RPS6KA1: variants seen among roughly 807,000 people sequenced by gnomAD.
The protein encoded by RPS6KA1 is ribosomal protein S6 kinase alpha-1.
Under a neutral mutation model 91.3 loss-of-function variants are expected in RPS6KA1, and 48 were observed. The observed-to-expected ratio is 0.53, with a 90% CI of 0.42 to 0.67. RPS6KA1 has a LOEUF of 0.67. RPS6KA1 is among the 30% of genes least tolerant of loss of function. RPS6KA1 has a pLI of 0.00. For synonymous variants in RPS6KA1, 359 were observed against 384.7 expected (o/e 0.93, Z 0.78); for missense variants, 719 against 960.5 (o/e 0.75, Z 3.32).
chr1:26,554,467 C>T lies in RPS6KA1; in HGVS notation c.614-129C>T. On this transcript the variant is annotated intron_variant, in intron 8 of 21. Transcript: ENST00000374168. This position sits in a 1 kb window ranked among gnomAD's most constrained non-coding sequence, Gnocchi z 4.6. ...AGCAAGTCACCTGACCTCTCTGGGC[C>T]TTAGCTTCCTCCTGAGTGTCATGGG... is the stretch of plus-strand genomic sequence containing the variant. 1 of 1,316,136 alleles carries T rather than the reference C, an allele frequency of 7.6e-7. No individual in the cohort carries two copies. 81.5% of individuals were successfully genotyped at this position (1,316,136 alleles called of 1,614,324 possible).
intron 17 of RPS6KA1, among the ~76,000 whole-genome samples, chr1:26,562,774 A>G (rs1395005417): frequency 6.8e-6 from 1 of 147,770 alleles, no homozygotes; most frequent in Non-Finnish European, 1.5e-5. Flanking sequence ...GAGGTTGTTA[A>G]CTTGTTTTCA....
At chr1:26,530,742 C>T (rs2075861495) in intron 1 of RPS6KA1, 2 of 1,283,438 alleles carry the variant, frequency 1.6e-6, no homozygotes, top group Non-Finnish European at 2.0e-6. Context: ...CCTTCTCTCT[C>T]AGAAGCAGCT....
intron 4 of RPS6KA1, among the ~76,000 whole-genome samples, chr1:26,549,250 A>C (rs1207740523): frequency 6.6e-6 from 1 of 151,536 alleles, no homozygotes; most frequent in Non-Finnish European, 1.5e-5. Context: ...CTTAGTAAGC[A>C]CTCCCTAGCC....
At chr1:26,543,068 G>T in intron 2 of RPS6KA1, 1 of 1,361,196 alleles carries the variant, frequency 7.3e-7, no homozygotes, top group Non-Finnish European at 1.0e-6. Context: ...AGAAGGAGGG[G>T]GGCCAGAGAC....
At chr1:26,549,246 A>T (rs2076024060) in intron 4 of RPS6KA1, among the ~76,000 whole-genome samples, 2 of 151,854 alleles carry the variant, frequency 1.3e-5, no homozygotes, top group South Asian at 4.2e-4. Context: ...TGGTCTTAGT[A>T]AGCACTCCCT....
At position 26,560,946 on chromosome 1, in the gene RPS6KA1, T is replaced by G. The variant is rs1317121455; in HGVS notation, c.1341+95T>G. 1.2e-5 allele frequency: 20 copies of G among 1,603,696 alleles called. No individual in the cohort carries two copies. The African/African-American group carries it at 2.7e-4, about 21-fold the overall frequency. On this transcript the variant is annotated intron_variant, in intron 15 of 21. Transcript: ENST00000374168. ...ATGGTGCCTGAGCTCTGCAGATGTA[T>G]GAAAGGTGTGTGGCCGAGACCTCCT...
intron 1 of RPS6KA1, among the ~76,000 whole-genome samples, chr1:26,534,227 G>A (rs1257319243): frequency 6.6e-6 from 1 of 152,312 alleles, no homozygotes; most frequent in South Asian, 2.1e-4. Context: ...CTGAAAAATA[G>A]GAGTAATAGA....
rs538528569 is a variant in RPS6KA1, at chr1:26,536,879, G to C, written c.64-46G>C. 1.6e-4 allele frequency: 261 copies of C among 1,607,170 alleles called. 1 individual carries two copies. The highest frequency in any genetic ancestry group is 8.3e-4 in the Middle Eastern group (5 of 6,056). ...GCCCCACAGAGTCTTTCTCCCAAGC[G>C]TGTAAGTTCTGACAGTGCTCCCCCA... On this transcript the variant is annotated intron_variant, in intron 1 of 21. Coordinates refer to ENST00000374168, the MANE Select transcript of RPS6KA1 (RefSeq NM_002953.4).
At chr1:26,557,985 C>A (rs866216366) in intron 13 of RPS6KA1, among the ~76,000 whole-genome samples, 1 of 151,708 alleles carries the variant, frequency 6.6e-6, no homozygotes, top group African/African-American at 2.4e-5. Context: ...TGTGTCAGCA[C>A]GCCTGGCTAA....
Position 26,540,685 on chromosome 1 carries a change from C to G in RPS6KA1, c.108+3716C>G, listed in dbSNP as rs978368485. Among the ~76,000 whole-genome samples, 1 of 152,248 alleles carries G rather than the reference C, an allele frequency of 6.6e-6. No homozygotes were observed. The highest frequency in any genetic ancestry group is 1.5e-5 in the Non-Finnish European group (1 of 68,036). ...TGACCTCCTAGGCTCAAGTGATCCT[C>G]CTACCTCAGCTACCGGAGTAGCTGG... On this transcript the variant is annotated intron_variant, in intron 2 of 21. Transcript: ENST00000374168. This position sits in a 1 kb window ranked among gnomAD's most constrained non-coding sequence, Gnocchi z 4.2.
chr1:26,561,025 C>A lies in RPS6KA1; in HGVS notation c.1342-20C>A. 6.2e-7 allele frequency: 1 copy of A among 1,611,136 alleles called. No homozygotes were observed. The highest frequency in any genetic ancestry group is 8.5e-7 in the Non-Finnish European group (1 of 1,177,930). ...GGACCCTGTCACCCTGACACTGCCACATGCACCCCCTTTCTTCAGGTCATT... is the reference window on the plus strand; with the variant it reads ...GGACCCTGTCACCCTGACACTGCCAAATGCACCCCCTTTCTTCAGGTCATT... On this transcript the variant is annotated intron_variant, in intron 15 of 21. Coordinates refer to ENST00000374168, the MANE Select transcript of RPS6KA1 (RefSeq NM_002953.4). This position sits in a 1 kb window ranked among gnomAD's most constrained non-coding sequence, Gnocchi z 5.7.
rs566279532 is a variant in RPS6KA1 at position 26,551,753 on chromosome 1, C to G, written c.468+30C>G. On this transcript the variant is annotated intron_variant, in intron 6 of 21. Transcript: ENST00000374168. The surrounding 1 kb of genome is among the most constrained non-coding windows in gnomAD (Gnocchi z 4.5). ...GCTGACATCTACTGCCAGAGGGCCC[C>G]GGGATGGAGCTGAGGGACGACAAGT... 1.4e-5 allele frequency: 22 copies of G among 1,576,434 alleles called. No individual in the cohort carries two copies. Among genetic ancestry groups the G allele is most frequent in the Non-Finnish European group, 1.8e-5 (21 of 1,145,786 alleles).
At chr1:26,548,661 C>T (rs897134119) in intron 4 of RPS6KA1, among the ~76,000 whole-genome samples, 1 of 151,916 alleles carries the variant, frequency 6.6e-6, no homozygotes, top group East Asian at 1.9e-4. Flanking sequence ...TCTGGGTATG[C>T]TGGTATGCAC....
At chr1:26,570,625 C>T (rs2076241012) in intron 17 of RPS6KA1, among the ~76,000 whole-genome samples, 1 of 152,200 alleles carries the variant, frequency 6.6e-6, no homozygotes, top group East Asian at 1.9e-4. Context: ...CAGTAAGTGT[C>T]ATTCATCCAT....
chr1:26,550,889 G>T (rs1272907950), intron 4 of RPS6KA1, among the ~76,000 whole-genome samples: 3 of 152,118 alleles, frequency 2.0e-5, no homozygotes, highest in Non-Finnish European at 2.9e-5. Flanking sequence ...AATATGAAGG[G>T]TGCCCACCCA....
At chr1:26,565,543 T>TTTTTCTTTCC (rs2076192147) in intron 17 of RPS6KA1, among the ~76,000 whole-genome samples, 2 of 148,128 alleles carry the variant, frequency 1.4e-5, no homozygotes, top group South Asian at 4.4e-4. Flanking sequence ...TGAATTTATT[T>TTTTTCTTTCC]TTTTCTTTTC....
chr1:26,572,097 A>G (rs2076254229), intron 19 of RPS6KA1, 79 bp from the exon 20 acceptor site: 1 of 1,352,124 alleles, frequency 7.4e-7, no homozygotes, highest in Non-Finnish European at 1.1e-6. Context: ...TCTGAGGGGG[A>G]GACACAGTCT....
Position 26,553,498 on chromosome 1 carries a change from G to T in RPS6KA1, c.575+1G>T. 4 of 1,602,222 alleles carry T rather than the reference G, an allele frequency of 2.5e-6. No individual in the cohort carries two copies. The highest frequency in any genetic ancestry group is 2.6e-6 in the Non-Finnish European group (3 of 1,170,828). On this transcript the variant is annotated splice_donor_variant, in intron 7 of 21. Coordinates refer to ENST00000374168, the MANE Select transcript of RPS6KA1 (RefSeq NM_002953.4). LOFTEE classifies it high-confidence loss of function. ...TTTACAGAGACCTCAAGCCTGAGAAGTGAGTGAAGCCTCCAGCCCCACCCC... is the reference window on the plus strand; with the variant it reads ...TTTACAGAGACCTCAAGCCTGAGAATTGAGTGAAGCCTCCAGCCCCACCCC...
At chr1:26,568,489 C>T (rs989063939) in intron 17 of RPS6KA1, among the ~76,000 whole-genome samples, 1 of 152,346 alleles carries the variant, frequency 6.6e-6, no homozygotes, top group Non-Finnish European at 1.5e-5. Context: ...TGGCTCACGC[C>T]TGTAATCCCA....
Sources: allele counts gnomAD v4.1 joint callset (sites outside exome capture counted in the v4.1 genomes callset), GRCh38; gene constraint gnomAD v4.1.1; non-coding constraint Gnocchi (gnomAD v3.1); transcripts MANE v1.5; gene names NCBI Gene and HGNC (gene_info 2026-07-23, HGNC 2026-07-21).